Variants in ABCA4 observed in about 807,000 individuals in gnomAD.
ABCA4 encodes the protein retinal-specific phospholipid-transporting ATPase ABCA4.
In ABCA4, 196 loss-of-function variants were observed where a neutral mutation model predicts 263.7. The ratio of observed to expected loss-of-function variants is 0.74; its 90% CI spans 0.66 to 0.84. ABCA4 has a LOEUF of 0.84. Among genes scored for constraint, ABCA4 ranks in the 40% least tolerant of loss-of-function variants. The probability of loss-of-function intolerance (pLI) is 0.00; values close to 1 mark genes in which losing one functional copy is unlikely to be tolerated. For missense variants in ABCA4, 2,792 were observed against 2,855.1 expected (o/e 0.98, Z 0.50); for synonymous variants, 1,133 against 1,094.2 (o/e 1.04, Z -0.70).
chr1:94,075,928 T>A (rs1437603517), intron 11 of ABCA4, among the ~76,000 whole-genome samples: 1 of 151,910 alleles, frequency 6.6e-6, no homozygotes, highest in Non-Finnish European at 1.5e-5. Context: ...CTGAGAGAGG[T>A]GTGAAGAGAG....
At chr1:94,078,468 G>C (rs1661595907) in intron 10 of ABCA4, 122 bp downstream of exon 10, 1 of 787,272 alleles carries the variant, frequency 1.3e-6, no homozygotes, top group Admixed American at 1.9e-5. Context: ...GGGCCTGCTT[G>C]TTGTATTTTG....
chr1:94,022,870 C>T (rs1054426998), intron 32 of ABCA4, among the ~76,000 whole-genome samples: 1 of 152,162 alleles, frequency 6.6e-6, no homozygotes, highest in Non-Finnish European at 1.5e-5. Flanking sequence ...TACATGTCAG[C>T]CCCGCACCTG....
At chr1:94,104,547 G>A (rs892751904) in intron 4 of ABCA4, among the ~76,000 whole-genome samples, 1 of 152,204 alleles carries the variant, frequency 6.6e-6, no homozygotes, top group Non-Finnish European at 1.5e-5. Context: ...GTTGCAGCTA[G>A]TTTCCTCTGG....
intron 30 of ABCA4, among the ~76,000 whole-genome samples, chr1:94,029,223 A>T (rs776030146): frequency 1.3e-5 from 2 of 152,142 alleles, no homozygotes; most frequent in African/African-American, 4.8e-5. Flanking sequence ...AATAGGAAGT[A>T]TCTGGTGGAA....
chr1:94,056,941 C>G, intron 14 of ABCA4, 119 bp from the exon 15 acceptor site: 2 of 836,528 alleles, frequency 2.4e-6, no homozygotes, highest in Non-Finnish European at 4.0e-6. Context: ...TACGCACACT[C>G]CATGTGCTGA....
At chr1:94,001,702 C>G (rs1557759317) in intron 45 of ABCA4, 156 bp downstream of exon 45, 1 of 1,123,054 alleles carries the variant, frequency 8.9e-7, no homozygotes, top group Non-Finnish European at 1.3e-6. Context: ...GAACCAAACA[C>G]TGGGCTGATC....
intron 29 of ABCA4, 126 bp downstream of exon 29, chr1:94,030,302 G>A: frequency 1.2e-6 from 1 of 822,018 alleles, no homozygotes; most frequent in Non-Finnish European, 2.1e-6. Context: ...GTGCTGGTCA[G>A]AGACATGGAA....
intron 11 of ABCA4, among the ~76,000 whole-genome samples, chr1:94,077,053 G>C (rs1049834264): frequency 7.2e-5 from 11 of 152,176 alleles, no homozygotes; most frequent in Admixed American, 2.6e-4. Context: ...AAGCCTCATG[G>C]AGCTGTGAGA....
rs989149738 is a variant in ABCA4 at position 94,025,073 on chromosome 1, A to G, written c.4540-25T>C. 2.5e-6 allele frequency: 4 copies of G among 1,595,190 alleles called. No homozygotes were observed. In the African/African-American group the frequency reaches 4.0e-5, roughly 16 times the overall value. On this transcript the variant is annotated intron_variant, in intron 30 of 49. Coordinates refer to ENST00000370225, the MANE Select transcript of ABCA4 (RefSeq NM_000350.3). ...TCTGAGGCAATGAGACACCCACGTT[A>G]ATTACCTTGGAACTTGAGGACTTAT...
At chr1:94,032,808 C>T (rs1385911111) in intron 26 of ABCA4, among the ~76,000 whole-genome samples, 3 of 152,114 alleles carry the variant, frequency 2.0e-5, no homozygotes, top group Admixed American at 6.5e-5. Flanking sequence ...GAATGTCCAC[C>T]GACTGTCAGC....
At position 94,056,830 on chromosome 1, in the gene ABCA4, C is replaced by T. The variant is rs1660996754; in HGVS notation, c.2161-8G>A. Reference sequence around the variant, plus strand: ...ATGTAGGATTCTTCCATGCTGAAACCAAGAGGCCATGCGTCAGTAACTCCT... The same window carrying T: ...ATGTAGGATTCTTCCATGCTGAAACTAAGAGGCCATGCGTCAGTAACTCCT... On this transcript the variant is annotated splice_polypyrimidine_tract_variant and splice_region_variant and intron_variant, in intron 14 of 49. Coordinates refer to ENST00000370225, the MANE Select transcript of ABCA4 (RefSeq NM_000350.3). 6.3e-7 allele frequency: 1 copy of T among 1,589,432 alleles called. No individual in the cohort carries two copies. The highest frequency in any genetic ancestry group is 8.6e-7 in the Non-Finnish European group (1 of 1,167,280).
Position 94,116,974 on chromosome 1 carries a change from CT to C in ABCA4, c.67-3909del, listed in dbSNP as rs1197184568. On this transcript the variant is annotated intron_variant, in intron 1 of 49. Coordinates refer to ENST00000370225, the MANE Select transcript of ABCA4 (RefSeq NM_000350.3). The stretch of plus-strand genomic sequence containing the variant: ...CTCCCTCCTTTCTTTCTTTCTCTTT[CT>C]TTCTTTCTTTCTTTCTTTCTTTCTT... 5.7e-4 allele frequency among the ~76,000 whole-genome samples: 49 copies of C among 86,310 alleles called. 1 individual carries two copies. In the East Asian group the frequency reaches 0.014, roughly 25 times the overall value. The allele number at this position is 86,310 out of a possible 152,430, so 56.6% of individuals were successfully genotyped here. A position where few individuals can be genotyped will look rare whatever the true frequency, so the allele number is the denominator to read the frequency against.
At chr1:94,006,482 C>T (rs1478220958) in intron 43 of ABCA4, among the ~76,000 whole-genome samples, 4 of 152,188 alleles carry the variant, frequency 2.6e-5, no homozygotes, top group Non-Finnish European at 5.9e-5. Context: ...TAAATGTGCT[C>T]ATGGAAAATT....
At chr1:94,046,389 G>C (rs1212475356) in intron 19 of ABCA4, among the ~76,000 whole-genome samples, 1 of 142,162 alleles carries the variant, frequency 7.0e-6, no homozygotes, top group Admixed American at 7.4e-5. Context: ...TTGATCCTGG[G>C]AGGCGGAGGT....
At chr1:94,069,837 G>C (rs1489517662) in intron 11 of ABCA4, among the ~76,000 whole-genome samples, 1 of 152,170 alleles carries the variant, frequency 6.6e-6, no homozygotes, top group Non-Finnish European at 1.5e-5. Flanking sequence ...CCCACAGAGA[G>C]TAAGGAAACA....
At chr1:94,071,372 G>A (rs1435789292) in intron 11 of ABCA4, among the ~76,000 whole-genome samples, 2 of 152,108 alleles carry the variant, frequency 1.3e-5, no homozygotes, top group Non-Finnish European at 1.5e-5. Context: ...CTATTATGCT[G>A]CATATTATAA....
chr1:94,068,769 C>T (rs1661336921), intron 11 of ABCA4, among the ~76,000 whole-genome samples: 2 of 152,274 alleles, frequency 1.3e-5, no homozygotes, highest in South Asian at 2.1e-4. Context: ...GTGTAAGGTG[C>T]TCAAACCTAG....
Position 94,001,837 on chromosome 1 carries a change from GC to G in ABCA4, c.6282+20del, listed in dbSNP as rs761373058. On this transcript the variant is annotated intron_variant, in intron 45 of 49. Coordinates refer to ENST00000370225, the MANE Select transcript of ABCA4 (RefSeq NM_000350.3). ...CCAGCACTTGGTTTAAGCCCTTGGT[GC>G]GGCCCAAGCCCGCAGTTACCAGCAG... 1 of 1,614,138 alleles carries G rather than the reference GC, an allele frequency of 6.2e-7. No individual in the cohort carries two copies. The highest frequency in any genetic ancestry group is 1.1e-5 in the South Asian group (1 of 91,084).
At chr1:93,996,000 T>C in intron 49 of ABCA4, 109 bp downstream of exon 49, 3 of 962,030 alleles carry the variant, frequency 3.1e-6, no homozygotes, top group Non-Finnish European at 4.8e-6. Context: ...GGTGGGGCTC[T>C]CTGTAGGAGG....
Sources: allele counts gnomAD v4.1 joint callset (sites outside exome capture counted in the v4.1 genomes callset), GRCh38; gene constraint gnomAD v4.1.1; transcripts MANE v1.5; gene names NCBI Gene and HGNC (gene_info 2026-07-23, HGNC 2026-07-21).